The following MBD5 variants were observed in gnomAD, a reference collection of about 807,000 sequenced individuals.
The protein encoded by MBD5 is methyl-CpG-binding domain protein 5.
Under a neutral mutation model 117.3 loss-of-function variants are expected in MBD5, and 13 were observed. The ratio of observed to expected loss-of-function variants is 0.11; its 90% confidence interval spans 0.07 to 0.18. MBD5 has a LOEUF of 0.18. MBD5 is among the 10% of genes least tolerant of loss of function. MBD5 has a pLI of 1.00. For missense variants in MBD5, 1,879 were observed against 2,093.8 expected (o/e 0.90, Z 2.00); for synonymous variants, 727 against 766.4 (o/e 0.95, Z 0.85).
chr2:148,207,175 G>T (rs968465791), intron 2 of MBD5, among the ~76,000 whole-genome samples: 1 of 152,142 alleles, frequency 6.6e-6, no homozygotes, highest in African/African-American at 2.4e-5. Context: ...GCTTTATTAT[G>T]TGCTATTGTC....
chr2:148,148,644 C>G (rs1558946417), intron 1 of MBD5, among the ~76,000 whole-genome samples: 1 of 151,886 alleles, frequency 6.6e-6, no homozygotes, highest in Non-Finnish European at 1.5e-5. Context: ...TGTTTTTGTT[C>G]TTCTTCCTTT....
chr2:148,437,568 T>C (rs1037559531), intron 4 of MBD5, among the ~76,000 whole-genome samples: 1 of 152,092 alleles, frequency 6.6e-6, no homozygotes, highest in Non-Finnish European at 1.5e-5. Flanking sequence ...TTAAAGACTT[T>C]TATTTACACT....
intron 3 of MBD5, among the ~76,000 whole-genome samples, chr2:148,245,214 G>C (rs931387355): frequency 6.6e-6 from 1 of 152,108 alleles, no homozygotes; most frequent in Non-Finnish European, 1.5e-5. Flanking sequence ...GTGAGACCCT[G>C]TCTCTACAAA....
Position 148,468,938 on chromosome 2 carries a change from C to A in MBD5, c.995C>A (p.Pro332Gln). 2 of 1,613,774 alleles carry A rather than the reference C, an allele frequency of 1.2e-6. No homozygotes were observed. Among genetic ancestry groups the A allele is most frequent in the Non-Finnish European group, 1.7e-6 (2 of 1,179,898 alleles). ...EIPRAMFHHKPPQGPPPPPPP... is the reference protein window; with the variant it reads ...EIPRAMFHHKQPQGPPPPPPP... Reference sequence around the variant, plus strand: ...CCACGAGCAATGTTCCACCACAAACCACCCCAAGGCCCACCTCCCCCTCCT... The same window carrying A: ...CCACGAGCAATGTTCCACCACAAACAACCCCAAGGCCCACCTCCCCCTCCT... Residue 332 changes from proline (P) to glutamine (Q), a missense_variant, in exon 8 of 14, where the codon CCA (proline) becomes CAA (glutamine). Transcript: ENST00000642680.
intron 11 of MBD5, among the ~76,000 whole-genome samples, chr2:148,491,501 C>T (rs1681525989): frequency 6.6e-6 from 1 of 151,870 alleles, no homozygotes; most frequent in Non-Finnish European, 1.5e-5. Context: ...ATGTTATTCT[C>T]GTAAAGAGTG....
chr2:148,031,566 T>A (rs2105591650), intron 1 of MBD5, among the ~76,000 whole-genome samples: 1 of 152,284 alleles, frequency 6.6e-6, no homozygotes, highest in Admixed American at 6.5e-5. Flanking sequence ...GGGAAATGAT[T>A]TGAAATAATA....
chr2:148,420,706 TTTG>T (rs1007669009), intron 4 of MBD5, among the ~76,000 whole-genome samples: 76 of 144,954 alleles, frequency 5.2e-4, no homozygotes, highest in African/African-American at 2.1e-3. Flanking sequence ...CATGTTTTGT[TTTG>T]TTTTGTTTTG....
intron 4 of MBD5, among the ~76,000 whole-genome samples, chr2:148,384,684 A>T (rs1014339429): frequency 1.1e-4 from 17 of 152,052 alleles, no homozygotes; most frequent in Non-Finnish European, 2.1e-4. Flanking sequence ...ACAAAGCTGG[A>T]GGCATCACTC....
chr2:148,508,069 G>A (rs1453137956), intron 12 of MBD5, among the ~76,000 whole-genome samples: 6 of 152,122 alleles, frequency 3.9e-5, no homozygotes, highest in African/African-American at 7.2e-5. Context: ...GTCAGGCAAC[G>A]TGGCAATGAT....
At chr2:148,218,144 C>G (rs1484210697) in intron 2 of MBD5, among the ~76,000 whole-genome samples, 1 of 152,016 alleles carries the variant, frequency 6.6e-6, no homozygotes, top group Non-Finnish European at 1.5e-5. Flanking sequence ...AGAGTATAAG[C>G]CCTTGACCAG....
intron 1 of MBD5, among the ~76,000 whole-genome samples, chr2:148,024,343 C>G (rs1693842653): frequency 6.6e-6 from 1 of 152,152 alleles, no homozygotes; most frequent in African/African-American, 2.4e-5. Context: ...AATATACTTA[C>G]TGTTGTATTA....
chr2:148,335,356 A>G (rs1456278552), intron 3 of MBD5, among the ~76,000 whole-genome samples: 1 of 152,122 alleles, frequency 6.6e-6, no homozygotes, highest in East Asian at 1.9e-4. Flanking sequence ...ACTCCAGCCT[A>G]GGCAACAGAG....
At chr2:148,312,081 A>G (rs1393754805) in intron 3 of MBD5, among the ~76,000 whole-genome samples, 3 of 151,860 alleles carry the variant, frequency 2.0e-5, no homozygotes, top group Non-Finnish European at 4.4e-5. Flanking sequence ...TGCCCTTAAC[A>G]TTTTTTCCTT....
intron 2 of MBD5, chr2:148,220,145 T>A (rs1022679898): frequency 1.3e-5 from 2 of 152,188 alleles, no homozygotes; most frequent in Non-Finnish European, 2.9e-5. Context: ...TCCTGTAGTT[T>A]ATATAAATAC....
chr2:148,267,494 C>T (rs879301620), intron 3 of MBD5, among the ~76,000 whole-genome samples: 4 of 152,144 alleles, frequency 2.6e-5, no homozygotes, highest in Non-Finnish European at 4.4e-5. Flanking sequence ...AATCGAATCA[C>T]ATCACATTAA....
chr2:148,229,165 A>G (rs1021731106), intron 2 of MBD5, among the ~76,000 whole-genome samples: 1 of 147,564 alleles, frequency 6.8e-6, no homozygotes, highest in Non-Finnish European at 1.5e-5. Context: ...GCTTTGCTTC[A>G]TTGTTTTTTC....
intron 4 of MBD5, among the ~76,000 whole-genome samples, chr2:148,418,990 C>A (rs917279819): frequency 1.3e-5 from 2 of 152,052 alleles, no homozygotes; most frequent in African/African-American, 4.8e-5. Flanking sequence ...TTATACAAGG[C>A]TATAGTAACC....
At position 148,399,653 on chromosome 2, in the gene MBD5, C is replaced by G. The variant is rs1041759646; in HGVS notation, c.-557+57317C>G. Among the ~76,000 whole-genome samples the G allele has an allele frequency of 8.1e-4, 123 of 152,206 alleles. 1 individual carries two copies. The highest frequency in any genetic ancestry group is 2.7e-3 in the African/African-American group (113 of 41,526). ...AATTGAATACCCTTTATTTCCTTCTCCTGCCTGATTGCCCTGGCCAGAACT... is the reference window on the plus strand; with the variant it reads ...AATTGAATACCCTTTATTTCCTTCTGCTGCCTGATTGCCCTGGCCAGAACT... On this transcript the variant is annotated intron_variant, in intron 4 of 13. Coordinates refer to ENST00000642680, the MANE Select transcript of MBD5 (RefSeq NM_001378120.1).
intron 3 of MBD5, among the ~76,000 whole-genome samples, chr2:148,263,630 G>A (rs1359483244): frequency 6.6e-6 from 1 of 152,118 alleles, no homozygotes; most frequent in Non-Finnish European, 1.5e-5. Context: ...AAGTCATATT[G>A]GGTGGAGGTT....
Sources: allele counts gnomAD v4.1 joint callset (sites outside exome capture counted in the v4.1 genomes callset), GRCh38; gene constraint gnomAD v4.1.1; transcripts MANE v1.5; gene names NCBI Gene and HGNC (gene_info 2026-07-23, HGNC 2026-07-21).